Variants in TLN2 observed in about 807,000 individuals in gnomAD.
TLN2 encodes talin-2.
In TLN2, 118 loss-of-function variants were observed where a neutral mutation model predicts 294.7. The observed-to-expected ratio is 0.40, with a 90% CI of 0.34 to 0.47. TLN2 has a LOEUF of 0.47. TLN2 is among the 20% of genes least tolerant of loss of function. TLN2 has a pLI of 0.84. For missense variants in TLN2, 3,083 were observed against 3,282.2 expected, an observed-to-expected ratio of 0.94 and a Z score of 1.48; for synonymous variants, 1,431 against 1,304.5, an observed-to-expected ratio of 1.10 and a Z score of -2.09.
chr15:62,675,394 A>T (rs192036376), intron 11 of TLN2, 73 bp downstream of exon 11: 2 of 1,512,136 alleles, frequency 1.3e-6, no homozygotes, highest in Admixed American at 3.6e-5. Context: ...GTTTGCTGTT[A>T]AGCCTGGTTT....
At chr15:62,617,851 T>G (rs1312301388) in intron 2 of TLN2, among the ~76,000 whole-genome samples, 2 of 152,216 alleles carry the variant, frequency 1.3e-5, no homozygotes, top group Admixed American at 1.3e-4. Context: ...GTATTTAAAT[T>G]ATGAAACCGG....
chr15:62,508,688 A>C (rs976695786), intron 1 of TLN2, among the ~76,000 whole-genome samples: 1 of 152,258 alleles, frequency 6.6e-6, no homozygotes. Flanking sequence ...TAAATTTTTC[A>C]TAACTTAGGT....
At chr15:62,817,285 A>G (rs769027438) in intron 52 of TLN2, among the ~76,000 whole-genome samples, 6 of 152,316 alleles carry the variant, frequency 3.9e-5, no homozygotes, top group African/African-American at 9.6e-5. Flanking sequence ...ACTTGTCCCA[A>G]TAATGTATTG....
At chr15:62,459,299 CTT>C (rs35344244) in intron 1 of TLN2, among the ~76,000 whole-genome samples, 62,401 of 130,568 alleles carry the variant, frequency 0.48, 14,927 homozygotes, top group Non-Finnish European at 0.54. Flanking sequence ...CACGCTCGGC[CTT>C]TTTTTTTTTT....
At chr15:62,513,755 G>A (rs1473366232) in intron 1 of TLN2, among the ~76,000 whole-genome samples, 2 of 152,126 alleles carry the variant, frequency 1.3e-5, no homozygotes, top group African/African-American at 2.4e-5. Flanking sequence ...AATCCAGATA[G>A]GGTCTAGAAG....
intron 1 of TLN2, among the ~76,000 whole-genome samples, chr15:62,564,569 G>T (rs1052291391): frequency 6.6e-6 from 1 of 151,998 alleles, no homozygotes; most frequent in African/African-American, 2.4e-5. Context: ...TTACTTTTGT[G>T]GTGTTTTTCC....
chr15:62,450,535 ATGTATGTATGTATGTGTG>A (rs1262708901), intron 1 of TLN2, among the ~76,000 whole-genome samples: 957 of 57,304 alleles, frequency 0.017, 11 homozygotes, highest in African/African-American at 0.045. Context: ...GTATGTATGT[ATGTATGTATGTATGTGTG>A]TGTGTGTGTG....
At chr15:62,554,466 G>A (rs1022455231) in intron 1 of TLN2, among the ~76,000 whole-genome samples, 1 of 151,400 alleles carries the variant, frequency 6.6e-6, no homozygotes, top group Non-Finnish European at 1.5e-5. Context: ...ACGCTACTGG[G>A]AAAGAGATAC....
At chr15:62,461,328 G>C (rs1191950939) in intron 1 of TLN2, among the ~76,000 whole-genome samples, 2 of 151,944 alleles carry the variant, frequency 1.3e-5, no homozygotes, top group Admixed American at 6.6e-5. Flanking sequence ...TGATGTTTGT[G>C]AGATTTGCCT....
chr15:62,452,626 C>T (rs1183676629), intron 1 of TLN2, among the ~76,000 whole-genome samples: 1 of 152,180 alleles, frequency 6.6e-6, no homozygotes, highest in African/African-American at 2.4e-5. Context: ...CCTTGGCAAC[C>T]ACCAGTCTAC....
At chr15:62,441,688 C>T (rs746138197) in intron 1 of TLN2, among the ~76,000 whole-genome samples, 3 of 152,204 alleles carry the variant, frequency 2.0e-5, no homozygotes, top group Non-Finnish European at 4.4e-5. Context: ...GGTTTAGCCC[C>T]ACAAGATTGC....
At chr15:62,657,713 GGA>G (rs2053383972) in intron 8 of TLN2, 56 bp from the exon 9 acceptor site, 1 of 1,581,102 alleles carries the variant, frequency 6.3e-7, no homozygotes, top group Admixed American at 1.8e-5. Flanking sequence ...ATGCGTCAGT[GGA>G]GAGAACGTGT....
chr15:62,537,698 G>T (rs1377366341), intron 1 of TLN2, among the ~76,000 whole-genome samples: 2 of 152,146 alleles, frequency 1.3e-5, no homozygotes, highest in African/African-American at 4.8e-5. Flanking sequence ...TGGAATGATG[G>T]ATGAGAATGT....
intron 48 of TLN2, among the ~76,000 whole-genome samples, chr15:62,799,346 T>C (rs1353488098): frequency 6.6e-6 from 1 of 152,212 alleles, no homozygotes; most frequent in African/African-American, 2.4e-5. Context: ...GTTTTTATTA[T>C]TATAGAAATA....
intron 50 of TLN2, among the ~76,000 whole-genome samples, chr15:62,801,362 G>A (rs1294978679): frequency 2.0e-5 from 3 of 152,158 alleles, no homozygotes; most frequent in Non-Finnish European, 2.9e-5. Flanking sequence ...GATATCTGCT[G>A]TTCTTATGAT....
At chr15:62,722,317 C>T (rs767299752) in intron 25 of TLN2, 36 bp from the exon 26 acceptor site, 31 of 1,584,138 alleles carry the variant, frequency 2.0e-5, no homozygotes, top group Non-Finnish European at 2.5e-5. Context: ...TCTTGCTGCC[C>T]AGGAGCCATC....
chr15:62,652,266 C>G, intron 6 of TLN2, 132 bp downstream of exon 6: 2 of 966,472 alleles, frequency 2.1e-6, no homozygotes, highest in Non-Finnish European at 2.8e-6. Context: ...GCCTAATCCC[C>G]AGAGGGTGTG....
intron 36 of TLN2, 163 bp from the exon 37 acceptor site, chr15:62,755,369 C>T: frequency 1.3e-6 from 1 of 796,382 alleles, no homozygotes. Flanking sequence ...ATTTCTTGCC[C>T]TCCTCTTTCT....
chr15:62,577,165 C>T (rs1465318527), intron 1 of TLN2, among the ~76,000 whole-genome samples: 4 of 152,186 alleles, frequency 2.6e-5, no homozygotes, highest in South Asian at 2.1e-4. Flanking sequence ...ACTACTTTGC[C>T]GGGCGCGGTG....
Sources: allele counts gnomAD v4.1 joint callset (sites outside exome capture counted in the v4.1 genomes callset), GRCh38; gene constraint gnomAD v4.1.1; transcripts MANE v1.5; gene names NCBI Gene and HGNC (gene_info 2026-07-23, HGNC 2026-07-21).